Variants in SAMD12 observed in about 807,000 individuals in gnomAD.
The protein encoded by SAMD12 is sterile alpha motif domain-containing protein 12.
In SAMD12, 9 loss-of-function variants were observed where a neutral mutation model predicts 15.0. The observed-to-expected ratio is 0.60, with a 90% CI of 0.36 to 1.05. The LOEUF is 1.05. Ranked by LOEUF, SAMD12 falls within the 50% of genes least tolerant of loss-of-function variation. SAMD12 has a pLI of 0.01. For synonymous variants in SAMD12, 86 were observed against 90.1 expected (o/e 0.96, Z 0.25); for missense variants, 230 against 234.2 (o/e 0.98, Z 0.12).
chr8:118,155,381 T>C, the SAMD12 span, among the ~76,000 whole-genome samples: 3 of 152,218 alleles, frequency 2.0e-5, no homozygotes, highest in Admixed American at 6.5e-5. Flanking sequence ...GGGCCACATC[T>C]AACAATAGTT....
Position 118,269,194 on chromosome 8 carries a change from TTC to T in SAMD12, c.434-71464_434-71463del, listed in dbSNP as rs762035151. Among the ~76,000 whole-genome samples the T allele has an allele frequency of 5.7e-3, 790 of 138,380 alleles. 4 individuals are homozygous for T. The highest frequency in any genetic ancestry group is 0.028 in the Middle Eastern group (8 of 290). 90.8% of individuals were successfully genotyped at this position (138,380 alleles called of 152,430 possible). On this transcript the variant is annotated intron_variant, in intron 4 of 4. Coordinates refer to the SAMD12 transcript ENST00000409003. The stretch of plus-strand genomic sequence containing the variant: ...CCTTTCACATTCTTCTTTGCTTTTG[TTC>T]TCTCTCTCTCTCTCTCTCTCTCTCT...
chr8:118,460,063 A>G (rs931517633), intron 2 of SAMD12, among the ~76,000 whole-genome samples: 4 of 152,224 alleles, frequency 2.6e-5, no homozygotes, highest in African/African-American at 9.6e-5. Flanking sequence ...ACACATTTCT[A>G]TTAAAAAGCT....
chr8:118,419,785 C>T (rs1267877285), intron 3 of SAMD12, among the ~76,000 whole-genome samples: 2 of 152,136 alleles, frequency 1.3e-5, no homozygotes, highest in Non-Finnish European at 2.9e-5. Flanking sequence ...TATCTTCCCC[C>T]ACTAGATACA....
chr8:118,269,747 C>CTTCTACATTCTTCATTCTACA, intron 4 of SAMD12, among the ~76,000 whole-genome samples: 1 of 152,292 alleles, frequency 6.6e-6, no homozygotes, highest in African/African-American at 2.4e-5. Flanking sequence ...GTTTACAAAA[C>CTTCTACATTCTTCATTCTACA]TTCTACATTC....
intron 2 of SAMD12, among the ~76,000 whole-genome samples, chr8:118,506,989 G>A (rs565173246): frequency 6.6e-6 from 1 of 152,132 alleles, no homozygotes; most frequent in Non-Finnish European, 1.5e-5. Context: ...TTCCAAATTA[G>A]TAGAGTGAAA....
chr8:118,470,718 A>T (rs1040723495), intron 2 of SAMD12, among the ~76,000 whole-genome samples: 1 of 152,178 alleles, frequency 6.6e-6, no homozygotes, highest in East Asian at 1.9e-4. Context: ...TCTCACATAG[A>T]TAAGGCACAT....
intron 4 of SAMD12, among the ~76,000 whole-genome samples, chr8:118,216,008 T>C (rs1811951192): frequency 6.6e-6 from 1 of 151,584 alleles, no homozygotes; most frequent in Non-Finnish European, 1.5e-5. Context: ...TCAAATGGTA[T>C]TTCTAGTTCT....
chr8:118,578,808 C>A (rs1029317699), intron 2 of SAMD12, among the ~76,000 whole-genome samples: 2 of 152,154 alleles, frequency 1.3e-5, no homozygotes, highest in Admixed American at 6.5e-5. Context: ...TTTACTAAAG[C>A]CTCTAGTCTG....
intron 4 of SAMD12, among the ~76,000 whole-genome samples, chr8:118,255,795 A>C: frequency 6.6e-6 from 1 of 152,058 alleles, no homozygotes; most frequent in Non-Finnish European, 1.5e-5. Context: ...TGCTATTGTG[A>C]ATAGTGCCGC....
At chr8:118,178,079 T>G in the SAMD12 span, among the ~76,000 whole-genome samples, 1 of 152,240 alleles carries the variant, frequency 6.6e-6, no homozygotes, top group African/African-American at 2.4e-5. Context: ...CCAGGTATAT[T>G]TGGGTAATTC....
chr8:118,534,338 G>C (rs1321525837), intron 2 of SAMD12, among the ~76,000 whole-genome samples: 1 of 152,140 alleles, frequency 6.6e-6, no homozygotes, highest in African/African-American at 2.4e-5. Context: ...GCTTCCCTTT[G>C]TGGGTAACCC....
At chr8:118,486,364 C>A (rs560586980) in intron 2 of SAMD12, among the ~76,000 whole-genome samples, 2 of 151,238 alleles carry the variant, frequency 1.3e-5, no homozygotes, top group East Asian at 3.9e-4. Flanking sequence ...TGCAGTGAGC[C>A]GAGATTGCGC....
At chr8:118,512,865 G>T (rs1000310862) in intron 2 of SAMD12, among the ~76,000 whole-genome samples, 1 of 151,996 alleles carries the variant, frequency 6.6e-6, no homozygotes, top group Non-Finnish European at 1.5e-5. Context: ...TCTCTGTGAC[G>T]CTTTTCCCAA....
chr8:118,266,001 G>T (rs1813187309), intron 4 of SAMD12, among the ~76,000 whole-genome samples: 1 of 152,066 alleles, frequency 6.6e-6, no homozygotes, highest in Admixed American at 6.6e-5. Flanking sequence ...AAAGAAAAGA[G>T]GTTTAATTGA....
the SAMD12 span, among the ~76,000 whole-genome samples, chr8:118,166,773 G>A: frequency 0.03 from 4,547 of 152,254 alleles, 160 homozygotes; most frequent in East Asian, 0.095. Flanking sequence ...ATTAACAAAG[G>A]TACAACAATG....
chr8:118,237,815 G>A (rs930825790), intron 4 of SAMD12, among the ~76,000 whole-genome samples: 5 of 151,996 alleles, frequency 3.3e-5, no homozygotes, highest in African/African-American at 1.2e-4. Flanking sequence ...CTGCATCTTG[G>A]CACTGTTTTC....
rs531199255 is a variant in SAMD12 at position 118,576,505 on chromosome 8, C to A, written c.192+4210G>T. Among the ~76,000 whole-genome samples, 7 of 152,260 alleles carry A rather than the reference C, an allele frequency of 4.6e-5. No individual in the cohort carries two copies. In the East Asian group the frequency reaches 1.4e-3, roughly 29 times the overall value. On this transcript the variant is annotated intron_variant, in intron 2 of 3. Coordinates refer to ENST00000314727, the MANE Select transcript of SAMD12 (RefSeq NM_207506.3). ...CTTGGCTCAAAGTGCTTAGACTTCA[C>A]GGCTAAAGGCACCCTCCATTCTTAG...
At chr8:118,456,092 C>G (rs1316818065) in intron 2 of SAMD12, among the ~76,000 whole-genome samples, 1 of 152,210 alleles carries the variant, frequency 6.6e-6, no homozygotes, top group Non-Finnish European at 1.5e-5. Context: ...AATCCAAACT[C>G]CAAGCCTGCA....
chr8:118,225,330 G>C (rs1478502380), intron 4 of SAMD12, among the ~76,000 whole-genome samples: 2 of 152,056 alleles, frequency 1.3e-5, no homozygotes, highest in African/African-American at 4.8e-5. Flanking sequence ...CCCAACGAGA[G>C]CCTTCTGCCT....
Sources: allele counts gnomAD v4.1 joint callset (sites outside exome capture counted in the v4.1 genomes callset), GRCh38; gene constraint gnomAD v4.1.1; transcripts MANE v1.5; gene names NCBI Gene and HGNC (gene_info 2026-07-23, HGNC 2026-07-21).